The following USP34 variants were observed in gnomAD, a reference collection of about 807,000 sequenced individuals.
The protein encoded by USP34 is ubiquitin carboxyl-terminal hydrolase 34.
A neutral mutation model predicts 460.3 loss-of-function variants in USP34; 70 were observed. The ratio of observed to expected loss-of-function variants is 0.15; its 90% CI spans 0.13 to 0.19. The LOEUF (loss-of-function observed/expected upper bound fraction) is 0.19, where lower values mean the gene tolerates loss of function less well. USP34 is among the 10% of genes least tolerant of loss of function. USP34 has a pLI of 1.00. For synonymous variants in USP34, 1,647 were observed against 1,405.3 expected (o/e 1.17, Z -3.85); for missense variants, 3,985 against 4,236.2 (o/e 0.94, Z 1.65).
At chr2:61,268,737 T>C (rs76325228) in intron 41 of USP34, among the ~76,000 whole-genome samples, 1,775 of 152,222 alleles carry the variant, frequency 0.012, 37 homozygotes, top group African/African-American at 0.041. Context: ...TAAGGTTTTT[T>C]AGAATTCACA....
At chr2:61,313,632 A>T (rs1690660581) in intron 25 of USP34, among the ~76,000 whole-genome samples, 1 of 152,144 alleles carries the variant, frequency 6.6e-6, no homozygotes, top group Admixed American at 6.6e-5. Context: ...TTAAGTGGTT[A>T]AAGTTATAAG....
chr2:61,301,414 G>T lies in USP34; in HGVS notation c.3858C>A (p.His1286Gln). ...TTTCATCATAATCTGTTGTTAACTC[G>T]TGTCCAGATGAAATCATCCTGACAG... Reference protein sequence around the residue: ...MGPVRMISSGHELTTDYDEKA... With the variant: ...MGPVRMISSGQELTTDYDEKA... Residue 1286 changes from histidine to glutamine, a missense_variant, in exon 28 of 80, where the codon CAC becomes CAA. His to Gln is a conservative substitution (Grantham distance 24). This residue lies in a region of USP34 where 1,114 missense variants were observed against 1,122.5 expected (regional missense o/e 0.99). Coordinates refer to ENST00000398571, the MANE Select transcript of USP34 (RefSeq NM_014709.4). 6.2e-7 allele frequency: 1 copy of T among 1,613,784 alleles called. No individual in the cohort carries two copies. Among genetic ancestry groups the T allele is most frequent in the Non-Finnish European group, 8.5e-7 (1 of 1,179,960 alleles).
intron 68 of USP34, 136 bp from the exon 69 acceptor site, chr2:61,212,065 T>A: frequency 8.3e-7 from 1 of 1,206,006 alleles, no homozygotes; most frequent in Non-Finnish European, 1.1e-6. Context: ...CAGAAAGTTA[T>A]AAAATCAGTA....
In USP34 at chr2:61,236,026, C is replaced by T. The variant is rs756280675; in HGVS notation, c.6966G>A (p.Lys2322=). The change falls in exon 56 of 80, where the codon AAG becomes AAA. Residue 2322 remains lysine, a splice_region_variant and synonymous_variant. Coordinates refer to ENST00000398571, the MANE Select transcript of USP34 (RefSeq NM_014709.4). Reference sequence around the variant, plus strand: ...AAAATCCATAGTAGAAAACACATACCTTTTCTTTAGAATGAATAAATGTCT... The same window carrying T: ...AAAATCCATAGTAGAAAACACATACTTTTTCTTTAGAATGAATAAATGTCT... ...VLETFIHSKE[K]PTMLQWIELL... 5 of 1,605,616 alleles carry T rather than the reference C, an allele frequency of 3.1e-6. No individual in the cohort carries two copies. In the South Asian group the frequency reaches 3.4e-5, roughly 11 times the overall value.
At chr2:61,256,703 C>G (rs952280039) in intron 47 of USP34, among the ~76,000 whole-genome samples, 170 bp downstream of exon 47, 4 of 151,316 alleles carry the variant, frequency 2.6e-5, no homozygotes, top group African/African-American at 4.9e-5. Context: ...TTTGATTGGG[C>G]AAGAAAAAGC....
At chr2:61,296,244 A>G (rs539831317) in intron 30 of USP34, among the ~76,000 whole-genome samples, 1 of 149,828 alleles carries the variant, frequency 6.7e-6, no homozygotes, top group African/African-American at 2.4e-5. Flanking sequence ...TGGGTAACAG[A>G]GTTATACCTT....
chr2:61,273,287 T>C (rs1689271993), intron 41 of USP34, among the ~76,000 whole-genome samples: 5 of 152,220 alleles, frequency 3.3e-5, no homozygotes, highest in Admixed American at 2.0e-4. Context: ...TAATTCTGCA[T>C]CAATCTGGAA....
At chr2:61,260,999 A>T (rs1488580961) in intron 43 of USP34, among the ~76,000 whole-genome samples, 1 of 152,212 alleles carries the variant, frequency 6.6e-6, no homozygotes, top group East Asian at 1.9e-4. Context: ...TAGGATGGCT[A>T]TTATTAAAAC....
intron 1 of USP34, among the ~76,000 whole-genome samples, chr2:61,463,668 G>A (rs555192166): frequency 3.4e-4 from 51 of 151,912 alleles, no homozygotes; most frequent in African/African-American, 1.1e-3. Flanking sequence ...ACCCCACATC[G>A]ACTAAAATTA....
chr2:61,206,985 C>T, intron 70 of USP34, 99 bp from the exon 71 acceptor site: 1 of 1,317,314 alleles, frequency 7.6e-7, no homozygotes, highest in South Asian at 1.4e-5. Context: ...TTTTCAGACT[C>T]AGACTGTGTG....
At chr2:61,450,062 T>C (rs1573054893) in intron 1 of USP34, among the ~76,000 whole-genome samples, 2 of 148,678 alleles carry the variant, frequency 1.3e-5, no homozygotes, top group East Asian at 4.0e-4. Context: ...CAAGACTCTG[T>C]CTCAAAAAAT....
At chr2:61,318,555 C>T (rs1472560617) in intron 22 of USP34, among the ~76,000 whole-genome samples, 1 of 152,104 alleles carries the variant, frequency 6.6e-6, no homozygotes, top group South Asian at 2.1e-4. Flanking sequence ...TTCATAATCT[C>T]AAAAATAAGC....
At chr2:61,412,192 A>C (rs1346476455) in intron 2 of USP34, among the ~76,000 whole-genome samples, 1 of 60,172 alleles carries the variant, frequency 1.7e-5, no homozygotes. Context: ...TCCATCTCAA[A>C]AAAAAAAAAA....
chr2:61,434,886 G>A (rs7586582), intron 1 of USP34, among the ~76,000 whole-genome samples: 3,764 of 152,060 alleles, frequency 0.025, 169 homozygotes, highest in African/African-American at 0.086. Context: ...CAATCATAAA[G>A]AAATATATAA....
chr2:61,349,419 C>CCCCA, intron 12 of USP34, 134 bp from the exon 13 acceptor site: 2 of 806,196 alleles, frequency 2.5e-6, no homozygotes, highest in Non-Finnish European at 3.8e-6. Flanking sequence ...AAGTCCCCAC[C>CCCCA]ACCTACAGTA....
chr2:61,393,745 T>C (rs1693426456), intron 5 of USP34, among the ~76,000 whole-genome samples: 1 of 152,234 alleles, frequency 6.6e-6, no homozygotes, highest in Non-Finnish European at 1.5e-5. Context: ...TTTCAGTGTT[T>C]GGTAAAGGTA....
intron 48 of USP34, among the ~76,000 whole-genome samples, chr2:61,250,935 G>A (rs1295983102): frequency 2.0e-5 from 3 of 152,134 alleles, no homozygotes; most frequent in African/African-American, 4.8e-5. Flanking sequence ...TCAGGAGATC[G>A]AGACCATCCT....
chr2:61,395,568 G>A (rs1572999381), intron 3 of USP34, among the ~76,000 whole-genome samples: 2 of 147,586 alleles, frequency 1.4e-5, no homozygotes, highest in African/African-American at 5.4e-5. Context: ...GGAGGCCGAG[G>A]CGGGCGGATC....
At chr2:61,226,178 A>C (rs1228040865) in intron 62 of USP34, among the ~76,000 whole-genome samples, 1 of 152,218 alleles carries the variant, frequency 6.6e-6, no homozygotes, top group African/African-American at 2.4e-5. Context: ...AATATACAAA[A>C]AATTTTCACA....
Sources: gnomAD v4.1 joint callset for allele counts (sites outside exome capture counted in the v4.1 genomes callset) on GRCh38, gnomAD v4.1.1 for gene constraint, gnomAD v4.1.1 regional missense constraint, MANE v1.5 for transcripts, NCBI Gene and HGNC (gene_info 2026-07-23, HGNC 2026-07-21) for gene names.